The following UNC5C variants were observed in gnomAD, a reference collection of about 807,000 sequenced individuals.
The protein encoded by UNC5C is unc-5 netrin receptor C, also known as netrin receptor UNC5C.
In UNC5C, 47 loss-of-function variants were observed where a neutral mutation model predicts 99.8. That is an observed-to-expected ratio of 0.47 (90% confidence interval 0.37 to 0.60). The LOEUF (loss-of-function observed/expected upper bound fraction) is 0.60, where lower values mean the gene tolerates loss of function less well. Among genes scored for constraint, UNC5C ranks in the 20% least tolerant of loss-of-function variants. The pLI is 0.00. For missense variants in UNC5C, 1,062 were observed against 1,165.9 expected (o/e 0.91, Z 1.30); for synonymous variants, 487 against 452.2 (o/e 1.08, Z -0.98).
intron 1 of UNC5C, among the ~76,000 whole-genome samples, chr4:95,337,629 T>C (rs987670099): frequency 3.3e-5 from 5 of 151,958 alleles, no homozygotes; most frequent in African/African-American, 7.2e-5. Context: ...AGAAAATGTA[T>C]GGGCAAACTA....
chr4:95,500,912 A>AT (rs1721760860), intron 1 of UNC5C, among the ~76,000 whole-genome samples: 1 of 152,112 alleles, frequency 6.6e-6, no homozygotes, highest in Non-Finnish European at 1.5e-5. Context: ...ATCATGTGCT[A>AT]TTACATGGAA....
At chr4:95,490,272 A>G (rs1721445537) in intron 1 of UNC5C, among the ~76,000 whole-genome samples, 1 of 151,726 alleles carries the variant, frequency 6.6e-6, no homozygotes, top group Non-Finnish European at 1.5e-5. Context: ...ACTGAAAGAA[A>G]AAAAGGCATT....
chr4:95,411,983 G>GTTT (rs113321414), intron 1 of UNC5C, among the ~76,000 whole-genome samples: 9 of 138,094 alleles, frequency 6.5e-5, no homozygotes, highest in South Asian at 2.4e-4. Flanking sequence ...GCTGTGGAAT[G>GTTT]TTTTTTTTTT....
chr4:95,242,193 C>A (rs748558419), intron 7 of UNC5C, among the ~76,000 whole-genome samples: 47 of 152,190 alleles, frequency 3.1e-4, no homozygotes, highest in Non-Finnish European at 5.4e-4. Flanking sequence ...TAGAATCAAC[C>A]CTTGCTCATG....
At chr4:95,399,646 T>A (rs1745630678) in intron 1 of UNC5C, among the ~76,000 whole-genome samples, 1 of 152,236 alleles carries the variant, frequency 6.6e-6, no homozygotes, top group Non-Finnish European at 1.5e-5. Context: ...TTGTGTTCAC[T>A]CTACCTCAAG....
At chr4:95,181,287 G>A (rs1001564839) in intron 14 of UNC5C, among the ~76,000 whole-genome samples, 2 of 152,186 alleles carry the variant, frequency 1.3e-5, no homozygotes, top group Non-Finnish European at 2.9e-5. Flanking sequence ...GTTGCCATAA[G>A]AAAGCAAAAG....
intron 1 of UNC5C, among the ~76,000 whole-genome samples, chr4:95,426,518 A>G (rs1746490742): frequency 6.6e-6 from 1 of 152,242 alleles, no homozygotes; most frequent in Non-Finnish European, 1.5e-5. Flanking sequence ...AAGCTAGGTG[A>G]GAAAGGCATG....
chr4:95,383,938 C>T (rs982718675), intron 1 of UNC5C, among the ~76,000 whole-genome samples: 4 of 152,124 alleles, frequency 2.6e-5, no homozygotes, highest in Non-Finnish European at 4.4e-5. Flanking sequence ...CATCAGGAAA[C>T]TCAAACTTGT....
rs1345937234 is a variant in UNC5C, at chr4:95,548,878, G to T, written c.-21C>A. ...CTCATCGTAGACAGAGGTGTGCCGGGGGGAGGGGAGGGGGACAGAGAGACG... is the reference window on the plus strand; with the variant it reads ...CTCATCGTAGACAGAGGTGTGCCGGTGGGAGGGGAGGGGGACAGAGAGACG... On this transcript the variant is annotated 5_prime_UTR_variant, in exon 1 of 16. Coordinates refer to ENST00000453304, the MANE Select transcript of UNC5C (RefSeq NM_003728.4). The T allele has an allele frequency of 6.2e-7, 1 of 1,611,318 alleles. No individual in the cohort carries two copies. The highest frequency in any genetic ancestry group is 8.5e-7 in the Non-Finnish European group (1 of 1,179,146).
intron 3 of UNC5C, among the ~76,000 whole-genome samples, chr4:95,298,136 T>C (rs1330341429): frequency 6.6e-6 from 1 of 152,032 alleles, no homozygotes; most frequent in Non-Finnish European, 1.5e-5. Context: ...ATGGTGAAAC[T>C]ACATCCCTAC....
At chr4:95,191,243 CTTG>C (rs753529549) in intron 12 of UNC5C, among the ~76,000 whole-genome samples, 3 of 152,206 alleles carry the variant, frequency 2.0e-5, no homozygotes, top group Non-Finnish European at 2.9e-5. Flanking sequence ...ATCTGCTTCT[CTTG>C]TTGTCTCTCT....
intron 4 of UNC5C, among the ~76,000 whole-genome samples, chr4:95,269,360 C>A (rs192622530): frequency 1.3e-5 from 2 of 152,182 alleles, no homozygotes; most frequent in Non-Finnish European, 2.9e-5. Flanking sequence ...GTGATGACGG[C>A]TCACTGCAGC....
At chr4:95,406,086 CA>C in intron 1 of UNC5C, among the ~76,000 whole-genome samples, 1 of 151,944 alleles carries the variant, frequency 6.6e-6, no homozygotes, top group Non-Finnish European at 1.5e-5. Context: ...GTGGCACTAG[CA>C]AAAAATTGAG....
chr4:95,381,985 G>A (rs1407410767), intron 1 of UNC5C, among the ~76,000 whole-genome samples: 1 of 152,032 alleles, frequency 6.6e-6, no homozygotes, highest in African/African-American at 2.4e-5. Context: ...GGTTACTAAG[G>A]CATCCACTCT....
intron 1 of UNC5C, among the ~76,000 whole-genome samples, chr4:95,477,948 C>T (rs1365901342): frequency 6.6e-6 from 1 of 151,974 alleles, no homozygotes; most frequent in Non-Finnish European, 1.5e-5. Flanking sequence ...ACCTACTTTA[C>T]AGGTTGACAT....
In UNC5C at chr4:95,226,530, T is replaced by A. The variant is rs568853567; in HGVS notation, c.1109-6354A>T. 3.0e-4 allele frequency among the ~76,000 whole-genome samples: 46 copies of A among 152,328 alleles called. 1 individual carries two copies. Among genetic ancestry groups the A allele is most frequent in the Admixed American group, 7.8e-4 (12 of 15,308 alleles). ...TATCTGTAGAGTCAACATAGCCTAT[T>A]ATCTAATGAGTGATCTTAGGAAACT... On this transcript the variant is annotated intron_variant, in intron 7 of 15. Coordinates refer to ENST00000453304, the MANE Select transcript of UNC5C (RefSeq NM_003728.4).
At chr4:95,508,661 T>C (rs1721988803) in intron 1 of UNC5C, among the ~76,000 whole-genome samples, 1 of 151,968 alleles carries the variant, frequency 6.6e-6, no homozygotes, top group Admixed American at 6.6e-5. Flanking sequence ...TACTCAAGTC[T>C]AGTTTGTTCC....
intron 1 of UNC5C, among the ~76,000 whole-genome samples, chr4:95,410,944 GA>G (rs1745968644): frequency 6.6e-6 from 1 of 152,116 alleles, no homozygotes; most frequent in Non-Finnish European, 1.5e-5. Context: ...GAGGGCAGAG[GA>G]ATAATGTAAT....
chr4:95,540,055 G>A (rs1446688703), intron 1 of UNC5C, among the ~76,000 whole-genome samples: 5 of 151,900 alleles, frequency 3.3e-5, no homozygotes, highest in African/African-American at 4.8e-5. Flanking sequence ...AATTCTTAAC[G>A]GAGTAGCTTA....
Sources: allele counts gnomAD v4.1 joint callset (sites outside exome capture counted in the v4.1 genomes callset), GRCh38; gene constraint gnomAD v4.1.1; transcripts MANE v1.5; gene names NCBI Gene and HGNC (gene_info 2026-07-23, HGNC 2026-07-21).